C16orf87: variants seen among roughly 807,000 people sequenced by gnomAD.
C16orf87 encodes the protein UPF0547 protein C16orf87.
C16orf87 carries 13 observed loss-of-function variants against 21.0 expected under a neutral mutation model. That is an observed-to-expected ratio of 0.62 (90% confidence interval 0.40 to 0.98). C16orf87 has a LOEUF of 0.98. Among genes scored for constraint, C16orf87 ranks in the 50% least tolerant of loss-of-function variants. The pLI, the probability that C16orf87 is intolerant of heterozygous loss-of-function variation, is 0.00. For missense variants in C16orf87, 113 were observed against 180.4 expected (o/e 0.63, Z 2.14); for synonymous variants, 49 against 60.2 (o/e 0.81, Z 0.86).
At chr16:46,824,767 G>A (rs1959552335) in intron 1 of C16orf87, among the ~76,000 whole-genome samples, 2 of 150,364 alleles carry the variant, frequency 1.3e-5, no homozygotes, top group Non-Finnish European at 2.9e-5. Flanking sequence ...CTGAGTTCAA[G>A]TGATTCTTCT....
intron 3 of C16orf87, among the ~76,000 whole-genome samples, chr16:46,806,055 T>C (rs929705430): frequency 1.3e-5 from 2 of 152,140 alleles, no homozygotes; most frequent in African/African-American, 4.8e-5. Context: ...CCTGGTGGGC[T>C]ACTCATAAAA....
intron 2 of C16orf87, among the ~76,000 whole-genome samples, 154 bp from the exon 3 acceptor site, chr16:46,809,939 C>T (rs189063895): frequency 3.3e-5 from 5 of 152,226 alleles, no homozygotes; most frequent in Admixed American, 2.6e-4. Context: ...GTCTCCCCCA[C>T]ACCCTCATAA....
At chr16:46,829,020 C>T (rs537331464) in intron 1 of C16orf87, among the ~76,000 whole-genome samples, 4 of 152,202 alleles carry the variant, frequency 2.6e-5, no homozygotes, top group Non-Finnish European at 2.9e-5. Flanking sequence ...ATGCACCCCT[C>T]GACATCCAAA....
intron 3 of C16orf87, chr16:46,807,964 C>A (rs1281188715): frequency 2.2e-6 from 1 of 451,616 alleles, no homozygotes; most frequent in Non-Finnish European, 4.4e-6. Context: ...TCTTCTCTCA[C>A]CCACCACCAG....
intron 2 of C16orf87, among the ~76,000 whole-genome samples, chr16:46,823,444 CA>C (rs2143153881): frequency 6.6e-6 from 1 of 152,240 alleles, no homozygotes; most frequent in East Asian, 1.9e-4. Context: ...GAATAAGTAA[CA>C]AAATTGTATC....
rs895757721 is a variant in C16orf87, at chr16:46,797,596, G to C, written c.*5356C>G. On this transcript the variant is annotated 3_prime_UTR_variant, in exon 4 of 4. Transcript: ENST00000285697. ...ACTCCTGGACTTAAGCAATCTGCTCGCCTCGGCCTCCCAGTCCTGGGATTA... is the reference window on the plus strand; with the variant it reads ...ACTCCTGGACTTAAGCAATCTGCTCCCCTCGGCCTCCCAGTCCTGGGATTA... 6.6e-5 allele frequency: 10 copies of C among 152,124 alleles called. No homozygotes were observed. Among genetic ancestry groups the C allele is most frequent in the African/African-American group, 2.4e-4 (10 of 41,408 alleles). The allele number at this position is 152,124 out of a possible 1,614,324, so 9.4% of individuals were successfully genotyped here.
chr16:46,828,707 G>A (rs1355910663), intron 1 of C16orf87, among the ~76,000 whole-genome samples: 2 of 152,106 alleles, frequency 1.3e-5, no homozygotes, highest in Non-Finnish European at 2.9e-5. Context: ...TTACATTTAT[G>A]TTTATAAACT....
At chr16:46,818,325 TC>T (rs1205427130) in intron 2 of C16orf87, among the ~76,000 whole-genome samples, 2 of 152,204 alleles carry the variant, frequency 1.3e-5, no homozygotes, top group African/African-American at 2.4e-5. Flanking sequence ...TCCATTTTTT[TC>T]CCTTAACTAA....
At chr16:46,811,281 A>G (rs1968075296) in intron 2 of C16orf87, among the ~76,000 whole-genome samples, 1 of 152,124 alleles carries the variant, frequency 6.6e-6, no homozygotes, top group African/African-American at 2.4e-5. Context: ...AGGCGGGTGG[A>G]TCACCTGAGG....
At chr16:46,821,405 C>T (rs1413194344) in intron 2 of C16orf87, among the ~76,000 whole-genome samples, 3 of 152,112 alleles carry the variant, frequency 2.0e-5, no homozygotes, top group African/African-American at 7.2e-5. Flanking sequence ...TCTTTTCCTC[C>T]TGTGGTTTCT....
intron 2 of C16orf87, among the ~76,000 whole-genome samples, chr16:46,813,989 A>T (rs891777163): frequency 6.6e-6 from 1 of 152,214 alleles, no homozygotes; most frequent in Non-Finnish European, 1.5e-5. Flanking sequence ...ATAAAATCGG[A>T]TAGGACACAC....
rs148372904 is a variant in C16orf87 at position 46,817,781 on chromosome 16, A to C, written c.163+6605T>G. Reference sequence around the variant, plus strand: ...ATAGCTGTACGGCAGACCTAAAAACAATCAGTCTTAATTAGAAGTCAAAGA... The same window carrying C: ...ATAGCTGTACGGCAGACCTAAAAACCATCAGTCTTAATTAGAAGTCAAAGA... On this transcript the variant is annotated intron_variant, in intron 2 of 3. Coordinates refer to ENST00000285697, the MANE Select transcript of C16orf87 (RefSeq NM_001001436.4). 5.6e-4 allele frequency among the ~76,000 whole-genome samples: 85 copies of C among 152,224 alleles called. No individual in the cohort carries two copies. In the East Asian group the frequency reaches 6.2e-3, roughly 11 times the overall value.
intron 2 of C16orf87, among the ~76,000 whole-genome samples, chr16:46,814,783 C>CA (rs1402111703): frequency 1.1e-4 from 17 of 151,974 alleles, no homozygotes; most frequent in Non-Finnish European, 1.5e-5. Context: ...AACAAGCAAA[C>CA]AAAAAATTAA....
At chr16:46,826,099 T>A (rs1186389973) in intron 1 of C16orf87, among the ~76,000 whole-genome samples, 1 of 152,044 alleles carries the variant, frequency 6.6e-6, no homozygotes, top group Non-Finnish European at 1.5e-5. Context: ...CAGGAATGAC[T>A]CCGGACAAGA....
chr16:46,828,636 T>C (rs1386866331), intron 1 of C16orf87, among the ~76,000 whole-genome samples: 3 of 152,220 alleles, frequency 2.0e-5, no homozygotes, highest in Non-Finnish European at 2.9e-5. Flanking sequence ...TACCCATTTT[T>C]CAAACTTACA....
chr16:46,812,220 G>A (rs1235168299), intron 2 of C16orf87, among the ~76,000 whole-genome samples: 1 of 151,944 alleles, frequency 6.6e-6, no homozygotes, highest in Admixed American at 6.6e-5. Context: ...CTCCAGCCTG[G>A]GTGACAGAGC....
At chr16:46,825,798 C>T (rs1959592758) in intron 1 of C16orf87, among the ~76,000 whole-genome samples, 1 of 151,572 alleles carries the variant, frequency 6.6e-6, no homozygotes, top group African/African-American at 2.4e-5. Context: ...CCTGTAATCC[C>T]AGCTACTTGG....
At chr16:46,808,366 C>T (rs187436658) in intron 3 of C16orf87, among the ~76,000 whole-genome samples, 7 of 152,082 alleles carry the variant, frequency 4.6e-5, no homozygotes, top group Non-Finnish European at 1.0e-4. Context: ...TGTTTTCTAG[C>T]AATAGTAACT....
intron 1 of C16orf87, among the ~76,000 whole-genome samples, chr16:46,826,623 C>G (rs1352073641): frequency 6.6e-6 from 1 of 152,086 alleles, no homozygotes; most frequent in Non-Finnish European, 1.5e-5. Flanking sequence ...CCAGATTTGT[C>G]TAACAGCTTG....
Sources: allele counts gnomAD v4.1 joint callset (sites outside exome capture counted in the v4.1 genomes callset), GRCh38; gene constraint gnomAD v4.1.1; transcripts MANE v1.5; gene names NCBI Gene and HGNC (gene_info 2026-07-23, HGNC 2026-07-21).